Variants in UNC80 observed in about 807,000 individuals in gnomAD.
UNC80 encodes the protein unc-80 subunit of NALCN channel complex.
A neutral mutation model predicts 384.6 loss-of-function variants in UNC80; 164 were observed. The observed-to-expected ratio is 0.43, with a 90% CI of 0.38 to 0.49. The LOEUF (loss-of-function observed/expected upper bound fraction) is 0.49, where lower values mean the gene tolerates loss of function less well. Among genes scored for constraint, UNC80 ranks in the 20% least tolerant of loss-of-function variants. UNC80 has a pLI of 0.00. For missense variants in UNC80, 3,330 were observed against 4,143.0 expected (o/e 0.80, Z 5.39); for synonymous variants, 1,486 against 1,527.8 (o/e 0.97, Z 0.64).
At chr2:209,887,730 C>A (rs568159604) in intron 25 of UNC80, among the ~76,000 whole-genome samples, 2 of 152,104 alleles carry the variant, frequency 1.3e-5, no homozygotes, top group Non-Finnish European at 2.9e-5. Context: ...TCCTTCAGTA[C>A]CTAACACATC....
chr2:209,927,305 G>T (rs1053042828), intron 36 of UNC80, among the ~76,000 whole-genome samples: 4 of 152,140 alleles, frequency 2.6e-5, no homozygotes, highest in Admixed American at 2.0e-4. Flanking sequence ...TTAGCTATTA[G>T]CTTGACACCA....
chr2:209,967,687 G>A (rs1183394409), intron 52 of UNC80, 50 bp downstream of exon 52: 1 of 1,525,702 alleles, frequency 6.6e-7, no homozygotes, highest in African/African-American at 1.4e-5. Context: ...TCAAAGTTAA[G>A]ATTTGTCATT....
intron 22 of UNC80, among the ~76,000 whole-genome samples, chr2:209,870,838 A>G (rs536886417): frequency 2.4e-4 from 37 of 152,326 alleles, no homozygotes; most frequent in African/African-American, 8.4e-4. Flanking sequence ...GGATTTAAGA[A>G]GGGTTCTCAG....
At chr2:209,939,993 C>T (rs2091518443) in intron 43 of UNC80, among the ~76,000 whole-genome samples, 1 of 152,148 alleles carries the variant, frequency 6.6e-6, no homozygotes, top group African/African-American at 2.4e-5. Flanking sequence ...CGCTCCACCT[C>T]CGGGTTTCAG....
intron 20 of UNC80, 89 bp from the exon 21 acceptor site, chr2:209,842,256 TAAACA>T: frequency 7.6e-6 from 7 of 917,864 alleles, no homozygotes; most frequent in African/African-American, 1.7e-5. Context: ...TGAAAATGAG[TAAACA>T]ACTCATTTTC....
At chr2:209,817,619 C>G (rs2079835524) in intron 10 of UNC80, among the ~76,000 whole-genome samples, 193 bp from the exon 11 acceptor site, 1 of 152,108 alleles carries the variant, frequency 6.6e-6, no homozygotes. Flanking sequence ...CTGACCTTAT[C>G]ACAGGCAGCT....
intron 22 of UNC80, among the ~76,000 whole-genome samples, chr2:209,856,001 T>C (rs2082885575): frequency 1.3e-5 from 2 of 152,152 alleles, no homozygotes; most frequent in African/African-American, 2.4e-5. Context: ...AATAAACCTA[T>C]GAGTAAAATT....
At chr2:209,984,971 G>A (rs1284243770) in intron 61 of UNC80, 59 bp downstream of exon 61, 7 of 1,376,998 alleles carry the variant, frequency 5.1e-6, no homozygotes, top group East Asian at 2.5e-5. Flanking sequence ...GCTGTTCCCT[G>A]TCTCCTCTGT....
At chr2:209,802,631 A>G (rs1310565113) in intron 7 of UNC80, among the ~76,000 whole-genome samples, 2 of 152,110 alleles carry the variant, frequency 1.3e-5, no homozygotes, top group Non-Finnish European at 2.9e-5. Flanking sequence ...CTTATACATC[A>G]TCAAAATTTG....
Position 209,839,102 on chromosome 2 carries a change from G to A in UNC80, c.3042-120G>A. On this transcript the variant is annotated intron_variant, in intron 18 of 64. Coordinates refer to ENST00000673920, the MANE Select transcript of UNC80 (RefSeq NM_001371986.1). This position sits in a 1 kb window ranked among gnomAD's most constrained non-coding sequence, Gnocchi z 4.1. ...CAATGCCCACTCTTCCCACATTTCA[G>A]CCCATCAAAGATCATTTTGCATGAT... The A allele has an allele frequency of 2.3e-6, 2 of 868,500 alleles. No homozygotes were observed. Among genetic ancestry groups the A allele is most frequent in the Non-Finnish European group, 3.5e-6 (2 of 565,044 alleles). 53.8% of individuals were successfully genotyped at this position (868,500 alleles called of 1,614,324 possible). A position where few individuals can be genotyped will look rare whatever the true frequency, so the allele number is the denominator to read the frequency against.
At chr2:209,797,458 A>G (rs1206506969) in intron 7 of UNC80, among the ~76,000 whole-genome samples, 1 of 152,140 alleles carries the variant, frequency 6.6e-6, no homozygotes, top group Non-Finnish European at 1.5e-5. Flanking sequence ...TTTGCTGAGG[A>G]TGATGGCTTC....
chr2:209,866,498 A>G (rs913731588), intron 22 of UNC80, among the ~76,000 whole-genome samples: 5 of 121,540 alleles, frequency 4.1e-5, no homozygotes, highest in Admixed American at 1.7e-4. Flanking sequence ...CCCCACACAC[A>G]CACACACACA....
rs945037634 is a variant in UNC80 at position 209,945,052 on chromosome 2, A to G, written c.7052A>G (p.Asp2351Gly). ...ACAAAAATTGTTTTTCTTTATCAGGATGCTGCCAATAATGGGCCCAGCAAA... is the reference window on the plus strand; with the variant it reads ...ACAAAAATTGTTTTTCTTTATCAGGGTGCTGCCAATAATGGGCCCAGCAAA... Reference protein sequence around the residue: ...ASVAPLLEFPDAANNGPSKGV... With the variant: ...ASVAPLLEFPGAANNGPSKGV... Residue 2351 changes from aspartate to glycine, a missense_variant and splice_region_variant, in exon 46 of 65, where the codon GAT becomes GGT. By Grantham distance (94) the Asp-to-Gly change is moderately conservative. This residue lies in a region of UNC80 where 1,049 missense variants were observed against 1,488.6 expected (regional missense o/e 0.70). Coordinates refer to ENST00000673920, the MANE Select transcript of UNC80 (RefSeq NM_001371986.1). 7.1e-6 allele frequency: 11 copies of G among 1,550,992 alleles called. No homozygotes were observed. The highest frequency in any genetic ancestry group is 2.7e-5 in the African/African-American group (2 of 72,986).
chr2:209,871,122 G>C (rs1432212819), intron 22 of UNC80, among the ~76,000 whole-genome samples: 2 of 152,158 alleles, frequency 1.3e-5, no homozygotes, highest in Non-Finnish European at 2.9e-5. Flanking sequence ...GAAATGATAT[G>C]TTTATATATT....
chr2:209,951,029 G>A (rs893961232), intron 47 of UNC80, among the ~76,000 whole-genome samples: 5 of 151,856 alleles, frequency 3.3e-5, no homozygotes, highest in Admixed American at 6.6e-5. Context: ...AAAAATTAGC[G>A]GGGCATGGTG....
At chr2:209,923,360 G>A (rs938106280) in intron 35 of UNC80, among the ~76,000 whole-genome samples, 4 of 152,038 alleles carry the variant, frequency 2.6e-5, no homozygotes, top group African/African-American at 7.2e-5. Flanking sequence ...AAGAGTTTTA[G>A]CATTTATATT....
At position 209,946,784 on chromosome 2, in the gene UNC80, T is replaced by C. The variant is rs532235883; in HGVS notation, c.7286+841T>C. ...TAAAAGTTGTACTCTGTTGACAAGCTCTTCCAGGAAGAAGGAAGGAGCCAA... is the reference window on the plus strand; with the variant it reads ...TAAAAGTTGTACTCTGTTGACAAGCCCTTCCAGGAAGAAGGAAGGAGCCAA... On this transcript the variant is annotated intron_variant, in intron 47 of 64. Coordinates refer to ENST00000673920, the MANE Select transcript of UNC80 (RefSeq NM_001371986.1). 6.5e-4 allele frequency among the ~76,000 whole-genome samples: 99 copies of C among 152,306 alleles called. 1 individual carries two copies. The South Asian group carries it at 0.019, about 30-fold the overall frequency.
intron 21 of UNC80, among the ~76,000 whole-genome samples, chr2:209,842,986 A>G (rs1015605022): frequency 1.3e-5 from 2 of 152,206 alleles, no homozygotes; most frequent in Non-Finnish European, 2.9e-5. Context: ...ACACACATAC[A>G]CATCACATAC....
At chr2:209,879,144 A>T (rs986790366) in intron 24 of UNC80, among the ~76,000 whole-genome samples, 2 of 152,122 alleles carry the variant, frequency 1.3e-5, no homozygotes, top group East Asian at 3.9e-4. Flanking sequence ...TTATTATGTC[A>T]GTCTTTCAAC....
Sources: gnomAD v4.1 joint callset for allele counts (sites outside exome capture counted in the v4.1 genomes callset) on GRCh38, gnomAD v4.1.1 for gene constraint, gnomAD v4.1.1 regional missense constraint, Gnocchi (gnomAD v3.1) non-coding constraint, MANE v1.5 for transcripts, NCBI Gene and HGNC (gene_info 2026-07-23, HGNC 2026-07-21) for gene names.